Variants in PLCH2 observed in about 807,000 individuals in gnomAD.
The protein encoded by PLCH2 is phospholipase C eta 2.
A neutral mutation model predicts 134.7 loss-of-function variants in PLCH2; 98 were observed. The observed-to-expected ratio is 0.73, with a 90% CI of 0.62 to 0.86. The LOEUF (loss-of-function observed/expected upper bound fraction) is 0.86. PLCH2 is among the 40% of genes least tolerant of loss of function. The probability of loss-of-function intolerance (pLI) is 0.00; values close to 1 mark genes in which losing one functional copy is unlikely to be tolerated. For missense variants in PLCH2, 1,994 were observed against 1,986.6 expected, an observed-to-expected ratio of 1.00 and a Z score of -0.07; for synonymous variants, 974 against 827.5, an observed-to-expected ratio of 1.18 and a Z score of -3.04.
chr1:2,489,394 C>T lies in PLCH2; in HGVS notation c.1407+16C>T. On this transcript the variant is annotated intron_variant, in intron 9 of 21. Coordinates refer to ENST00000378486, the MANE Select transcript of PLCH2 (RefSeq NM_014638.4). Reference sequence around the variant, plus strand: ...CCTCGTGAAGGTGAGTGAGCCCCTGCCCTCCTGGGACCAGCTCACACAGAG... The same window carrying T: ...CCTCGTGAAGGTGAGTGAGCCCCTGTCCTCCTGGGACCAGCTCACACAGAG... 1 of 1,612,378 alleles carries T rather than the reference C, an allele frequency of 6.2e-7. No individual in the cohort carries two copies. Among genetic ancestry groups the T allele is most frequent in the South Asian group, 1.1e-5 (1 of 91,006 alleles).
the PLCH2 span, among the ~76,000 whole-genome samples, chr1:2,420,785 T>C: frequency 6.6e-6 from 1 of 152,180 alleles, no homozygotes; most frequent in African/African-American, 2.4e-5. Context: ...ATCGATCGAT[T>C]CATTGCCTTT....
At chr1:2,478,941 A>C in intron 2 of PLCH2, 4 of 373,426 alleles carry the variant, frequency 1.1e-5, no homozygotes, top group Non-Finnish European at 1.5e-5. Flanking sequence ...GCTCCCCATA[A>C]ACAGAAACGA....
the PLCH2 span, among the ~76,000 whole-genome samples, chr1:2,418,508 C>G: frequency 6.6e-6 from 1 of 152,242 alleles, no homozygotes; most frequent in Non-Finnish European, 1.5e-5. Flanking sequence ...CCCACTGCCT[C>G]CCTCGGACGG....
At chr1:2,418,754 G>A in the PLCH2 span, among the ~76,000 whole-genome samples, 1 of 152,198 alleles carries the variant, frequency 6.6e-6, no homozygotes, top group Non-Finnish European at 1.5e-5. Context: ...TGAGCCGTGT[G>A]CTCCGCAGAC....
chr1:2,424,115 G>A (rs556660533), upstream of PLCH2, among the ~76,000 whole-genome samples: 1 of 152,064 alleles, frequency 6.6e-6, no homozygotes, highest in Non-Finnish European at 1.5e-5. Context: ...TATTTATGAG[G>A]TAGATAGTGA....
chr1:2,434,920 C>T (rs550659644), intron 2 of PLCH2, among the ~76,000 whole-genome samples: 35 of 152,338 alleles, frequency 2.3e-4, no homozygotes, highest in African/African-American at 7.9e-4. Flanking sequence ...GAGCTGAGCC[C>T]GCACGGGAAG....
intron 2 of PLCH2, among the ~76,000 whole-genome samples, chr1:2,451,585 G>A (rs1640228211): frequency 6.6e-6 from 1 of 152,176 alleles, no homozygotes; most frequent in Non-Finnish European, 1.5e-5. Context: ...TCACCGTGGA[G>A]GGCAGCCCTG....
At position 2,489,413 on chromosome 1, in the gene PLCH2, C is replaced by G. The variant is rs770561134; in HGVS notation, c.1407+35C>G. 4.4e-6 allele frequency: 7 copies of G among 1,606,404 alleles called. No homozygotes were observed. In the East Asian group the frequency reaches 1.1e-4, roughly 26 times the overall value. ...CCCCTGCCCTCCTGGGACCAGCTCA[C>G]ACAGAGTCTCGGGCCTGCAGCAGTG... On this transcript the variant is annotated intron_variant, in intron 9 of 21. Transcript: ENST00000378486.
chr1:2,417,392 G>T, the PLCH2 span, among the ~76,000 whole-genome samples: 2 of 150,422 alleles, frequency 1.3e-5, no homozygotes, highest in Non-Finnish European at 3.0e-5. Flanking sequence ...GTTGGGTTGG[G>T]GGGCACTAAG....
chr1:2,498,615 C>A lies in PLCH2; in HGVS notation c.2317C>A (p.Pro773Thr). The A allele has an allele frequency of 6.3e-7, 1 of 1,587,312 alleles. No homozygotes were observed. Among genetic ancestry groups the A allele is most frequent in the Non-Finnish European group, 8.6e-7 (1 of 1,169,040 alleles). ...CATCAGTGGCCAGCAGCTTCCCAAGCCGCGCGACTCCATGCTGGGGGACCG... is the reference window on the plus strand; with the variant it reads ...CATCAGTGGCCAGCAGCTTCCCAAGACGCGCGACTCCATGCTGGGGGACCG... ...RIISGQQLPK[P>T]RDSMLGDRGE... The change falls in exon 17 of 22, where the codon CCG (proline) becomes ACG (threonine). Residue 773 changes from proline (P) to threonine (T), a missense_variant. Transcript: ENST00000378486. The surrounding 1 kb of genome is among the most constrained non-coding windows in gnomAD (Gnocchi z 5.4).
At chr1:2,432,019 T>C (rs1639094349) in intron 2 of PLCH2, among the ~76,000 whole-genome samples, 1 of 152,194 alleles carries the variant, frequency 6.6e-6, no homozygotes, top group Non-Finnish European at 1.5e-5. Flanking sequence ...CAGGACAGGC[T>C]CGGCTCTGCC....
Position 2,498,950 on chromosome 1 carries a change from C to T in PLCH2, c.2434+122C>T. ...CCTCAGTGACAGTCCTGGGCGCCCT[C>T]CCCTCTAGGTGGGCAGTCCCGGAAG... On this transcript the variant is annotated intron_variant, in intron 18 of 21. Coordinates refer to ENST00000378486, the MANE Select transcript of PLCH2 (RefSeq NM_014638.4). This position sits in a 1 kb window ranked among gnomAD's most constrained non-coding sequence, Gnocchi z 5.4. The T allele has an allele frequency of 1.5e-6, 2 of 1,377,168 alleles. No homozygotes were observed. The highest frequency in any genetic ancestry group is 1.3e-5 in the South Asian group (1 of 77,876). 85.3% of individuals were successfully genotyped at this position (1,377,168 alleles called of 1,614,324 possible). A position where few individuals can be genotyped will look rare whatever the true frequency, so the allele number is the denominator to read the frequency against.
chr1:2,490,539 G>A (rs953787849), intron 10 of PLCH2, among the ~76,000 whole-genome samples: 1 of 152,184 alleles, frequency 6.6e-6, no homozygotes, highest in African/African-American at 2.4e-5. Flanking sequence ...GGCAGGGAAG[G>A]CCGTTGCTTC....
intron 2 of PLCH2, among the ~76,000 whole-genome samples, chr1:2,447,319 G>C (rs1312042581): frequency 6.6e-6 from 1 of 152,196 alleles, no homozygotes; most frequent in African/African-American, 2.4e-5. Flanking sequence ...TCTGCCTTCA[G>C]CTCCTTCTCC....
chr1:2,457,949 G>A (rs1462068568), intron 2 of PLCH2, among the ~76,000 whole-genome samples: 1 of 152,074 alleles, frequency 6.6e-6, no homozygotes, highest in African/African-American at 2.4e-5. Flanking sequence ...TCCACCGGGC[G>A]GGTGGTAGGG....
chr1:2,463,210 G>A (rs532342996), upstream of PLCH2, among the ~76,000 whole-genome samples: 16 of 152,336 alleles, frequency 1.1e-4, 1 homozygote, highest in East Asian at 1.5e-3. Context: ...GACCAGCCCC[G>A]GAGGGGGAGC....
At chr1:2,479,565 C>T (rs1455372913) in intron 2 of PLCH2, 169 bp from the exon 3 acceptor site, 10 of 640,464 alleles carry the variant, frequency 1.6e-5, no homozygotes, top group Admixed American at 5.8e-5. Context: ...TGTGCAGTCT[C>T]GCAGATCTTC....
intron 2 of PLCH2, among the ~76,000 whole-genome samples, chr1:2,459,512 TCCTC>T (rs1170958752): frequency 1.1e-5 from 1 of 91,552 alleles, no homozygotes; most frequent in African/African-American, 3.9e-5. Flanking sequence ...TTCCTGGTGG[TCCTC>T]CTTCCTGGTG....
intron 9 of PLCH2, 95 bp downstream of exon 9, chr1:2,489,473 C>A: frequency 7.3e-7 from 1 of 1,367,538 alleles, no homozygotes; most frequent in South Asian, 1.3e-5. Flanking sequence ...TCATGCCATC[C>A]ATGGGCATAT....
Sources: gnomAD v4.1 joint callset for allele counts (sites outside exome capture counted in the v4.1 genomes callset) on GRCh38, gnomAD v4.1.1 for gene constraint, Gnocchi (gnomAD v3.1) non-coding constraint, MANE v1.5 for transcripts, NCBI Gene and HGNC (gene_info 2026-07-23, HGNC 2026-07-21) for gene names.